ENPP6: variants seen among roughly 807,000 people sequenced by gnomAD.
The protein encoded by ENPP6 is glycerophosphocholine cholinephosphodiesterase ENPP6.
In ENPP6, 32 loss-of-function variants were observed where a neutral mutation model predicts 42.0. That is an observed-to-expected ratio of 0.76 (90% CI 0.58 to 1.02). ENPP6 has a LOEUF of 1.02. ENPP6 is among the 50% of genes least tolerant of loss of function. The pLI, the probability that ENPP6 is intolerant of heterozygous loss-of-function variation, is 0.00. For missense variants in ENPP6, 552 were observed against 566.8 expected, an observed-to-expected ratio of 0.97 and a Z score of 0.27; for synonymous variants, 213 against 216.0, an observed-to-expected ratio of 0.99 and a Z score of 0.12.
chr4:184,197,924 A>G (rs912178278), intron 1 of ENPP6, among the ~76,000 whole-genome samples: 2 of 152,158 alleles, frequency 1.3e-5, no homozygotes, highest in African/African-American at 4.8e-5. Context: ...AGTGAACACC[A>G]GGGATAGCTC....
intron 2 of ENPP6, among the ~76,000 whole-genome samples, chr4:184,131,189 C>CTTTCTTTCTTTCTT (rs1736611990): frequency 1.4e-4 from 9 of 66,646 alleles, no homozygotes; most frequent in Non-Finnish European, 2.2e-4. Flanking sequence ...TTCTTTCTTT[C>CTTTCTTTCTTTCTT]TTTCTTTCTT....
intron 1 of ENPP6, among the ~76,000 whole-genome samples, chr4:184,197,221 C>T (rs369980827): frequency 3.9e-5 from 6 of 152,180 alleles, no homozygotes; most frequent in East Asian, 3.9e-4. Flanking sequence ...CAATCTTCTA[C>T]GTGGCTCCAC....
chr4:184,106,696 A>G (rs1176936723), intron 6 of ENPP6, among the ~76,000 whole-genome samples: 1 of 151,920 alleles, frequency 6.6e-6, no homozygotes, highest in African/African-American at 2.4e-5. Flanking sequence ...TGTCCATGAC[A>G]GCTCTTACCA....
chr4:184,098,887 G>A (rs947975494), intron 6 of ENPP6, among the ~76,000 whole-genome samples: 5 of 152,182 alleles, frequency 3.3e-5, no homozygotes, highest in African/African-American at 1.2e-4. Flanking sequence ...AATGCAGGAG[G>A]TAGAATTTGC....
chr4:184,116,815 G>T lies in ENPP6; in HGVS notation c.855+41C>A, dbSNP rs777130765. The T allele has an allele frequency of 2.5e-6, 4 of 1,606,842 alleles. No individual in the cohort carries two copies. The South Asian group carries it at 4.4e-5, about 18-fold the overall frequency. Reference sequence around the variant, plus strand: ...ACAGTGCAGATGGCAACACACGAGGGCCCACATGGCCCTCCTCCGCCCCCC... The same window carrying T: ...ACAGTGCAGATGGCAACACACGAGGTCCCACATGGCCCTCCTCCGCCCCCC... On this transcript the variant is annotated intron_variant, in intron 5 of 7. Coordinates refer to ENST00000296741, the MANE Select transcript of ENPP6 (RefSeq NM_153343.4).
chr4:184,126,245 A>C (rs1443046579), intron 2 of ENPP6, among the ~76,000 whole-genome samples: 1 of 152,242 alleles, frequency 6.6e-6, no homozygotes. Context: ...TACTTAAATA[A>C]AATGAATCTG....
intron 6 of ENPP6, among the ~76,000 whole-genome samples, chr4:184,105,596 A>G (rs1368591074): frequency 6.6e-6 from 1 of 152,246 alleles, no homozygotes; most frequent in Non-Finnish European, 1.5e-5. Context: ...TACAGTATCC[A>G]CAATGCAGAG....
chr4:184,142,606 T>A (rs1361731431), intron 2 of ENPP6, among the ~76,000 whole-genome samples: 1 of 151,920 alleles, frequency 6.6e-6, no homozygotes, highest in Non-Finnish European at 1.5e-5. Flanking sequence ...TGTGCAGGGG[T>A]GAGAGCAAGC....
At chr4:184,167,484 C>A (rs561771762) in intron 1 of ENPP6, among the ~76,000 whole-genome samples, 1 of 152,206 alleles carries the variant, frequency 6.6e-6, no homozygotes, top group African/African-American at 2.4e-5. Flanking sequence ...ACTTTTAATG[C>A]CGGGAATTGA....
intron 6 of ENPP6, among the ~76,000 whole-genome samples, chr4:184,110,022 C>T (rs1736173249): frequency 6.6e-6 from 1 of 152,128 alleles, no homozygotes; most frequent in Non-Finnish European, 1.5e-5. Flanking sequence ...CTTGGACCCA[C>T]AGCAGAGTAC....
chr4:184,129,596 A>G (rs1371464962), intron 2 of ENPP6, among the ~76,000 whole-genome samples: 1 of 152,208 alleles, frequency 6.6e-6, no homozygotes, highest in Non-Finnish European at 1.5e-5. Context: ...CTAGCAAATC[A>G]CTGCTAGAAA....
At chr4:184,144,029 C>T (rs35032631) in intron 2 of ENPP6, among the ~76,000 whole-genome samples, 63,072 of 152,100 alleles carry the variant, frequency 0.41, 13,382 homozygotes, top group Middle Eastern at 0.45. Flanking sequence ...ACAGACTCAG[C>T]TAGGAAAGGT....
chr4:184,103,131 G>A (rs948697995), intron 6 of ENPP6, among the ~76,000 whole-genome samples: 3 of 152,246 alleles, frequency 2.0e-5, no homozygotes, highest in Non-Finnish European at 4.4e-5. Context: ...CTGGTACAGG[G>A]CTGCTTTCCA....
intron 2 of ENPP6, among the ~76,000 whole-genome samples, chr4:184,139,682 T>A (rs947522725): frequency 1.1e-5 from 1 of 89,322 alleles, no homozygotes; most frequent in African/African-American, 4.1e-5. Flanking sequence ...ACAAAGGACA[T>A]GAACTCATCA....
chr4:184,109,259 A>G (rs764022492), intron 6 of ENPP6, among the ~76,000 whole-genome samples: 2 of 152,160 alleles, frequency 1.3e-5, no homozygotes, highest in Non-Finnish European at 2.9e-5. Flanking sequence ...AAACAAACAA[A>G]AAGAACTAAC....
At chr4:184,131,520 A>AT (rs58927070) in intron 2 of ENPP6, among the ~76,000 whole-genome samples, 2,125 of 136,694 alleles carry the variant, frequency 0.016, 41 homozygotes, top group African/African-American at 0.047. Flanking sequence ...TGCCCAGCTA[A>AT]TTTTTTTTTT....
intron 1 of ENPP6, among the ~76,000 whole-genome samples, chr4:184,214,351 T>C (rs188628629): frequency 4.2e-4 from 64 of 152,326 alleles, no homozygotes; most frequent in Admixed American, 8.5e-4. Flanking sequence ...TAAACATGTT[T>C]TGAGGCAAAT....
intron 3 of ENPP6, among the ~76,000 whole-genome samples, chr4:184,119,178 T>G (rs550702691): frequency 9.0e-4 from 137 of 152,312 alleles, no homozygotes; most frequent in African/African-American, 3.2e-3. Flanking sequence ...TGTAGGAAAC[T>G]GATAAGATGA....
chr4:184,136,989 T>G (rs889091962), intron 2 of ENPP6, among the ~76,000 whole-genome samples: 7 of 152,252 alleles, frequency 4.6e-5, no homozygotes, highest in African/African-American at 1.7e-4. Flanking sequence ...CTTTTGCCTC[T>G]TCACATTGAA....
Sources: allele counts gnomAD v4.1 joint callset (sites outside exome capture counted in the v4.1 genomes callset), GRCh38; gene constraint gnomAD v4.1.1; transcripts MANE v1.5; gene names NCBI Gene and HGNC (gene_info 2026-07-23, HGNC 2026-07-21).